Variants in CTNND2 observed in about 807,000 individuals in gnomAD.
CTNND2 encodes the protein catenin delta-2.
Under a neutral mutation model 144.4 loss-of-function variants are expected in CTNND2, and 22 were observed. The observed-to-expected ratio is 0.15, with a 90% confidence interval of 0.11 to 0.22. The LOEUF is 0.22. CTNND2 is among the 10% of genes least tolerant of loss of function. CTNND2 has a pLI of 1.00. For synonymous variants in CTNND2, 751 were observed against 695.6 expected (o/e 1.08, Z -1.25); for missense variants, 1,353 against 1,618.8 (o/e 0.84, Z 2.82).
intron 1 of CTNND2, among the ~76,000 whole-genome samples, chr5:11,874,522 C>A (rs1735407746): frequency 6.6e-6 from 1 of 152,154 alleles, no homozygotes; most frequent in Admixed American, 6.5e-5. Flanking sequence ...GATGTGAACA[C>A]AAGCACTGCC....
chr5:11,822,398 T>A (rs1287757275), intron 1 of CTNND2, among the ~76,000 whole-genome samples: 1 of 152,180 alleles, frequency 6.6e-6, no homozygotes, highest in Non-Finnish European at 1.5e-5. Flanking sequence ...TTCAAAGCAA[T>A]TTTAAGATAA....
chr5:11,834,096 T>G (rs1431189561), intron 1 of CTNND2, among the ~76,000 whole-genome samples: 1 of 152,076 alleles, frequency 6.6e-6, no homozygotes, highest in African/African-American at 2.4e-5. Context: ...AAGGAGTAGA[T>G]TGTAGTAAAG....
At chr5:11,874,636 T>C (rs1735416793) in intron 1 of CTNND2, among the ~76,000 whole-genome samples, 1 of 152,108 alleles carries the variant, frequency 6.6e-6, no homozygotes, top group African/African-American at 2.4e-5. Flanking sequence ...GTAATTTACA[T>C]CCTAGGTGGG....
chr5:11,367,874 G>A (rs1757124906), intron 7 of CTNND2, among the ~76,000 whole-genome samples: 1 of 152,176 alleles, frequency 6.6e-6, no homozygotes, highest in African/African-American at 2.4e-5. Context: ...CAGACATAAT[G>A]TCATGCAATC....
intron 3 of CTNND2, among the ~76,000 whole-genome samples, chr5:11,451,815 T>A (rs1162143037): frequency 6.6e-6 from 1 of 152,212 alleles, no homozygotes; most frequent in Non-Finnish European, 1.5e-5. Context: ...GACTAAGACA[T>A]TCATACTGAA....
At chr5:11,104,667 G>A (rs957102253) in intron 14 of CTNND2, among the ~76,000 whole-genome samples, 2 of 152,238 alleles carry the variant, frequency 1.3e-5, no homozygotes, top group Middle Eastern at 3.4e-3. Context: ...CAAAGAAAAC[G>A]GTAGTGCGGG....
At position 11,411,781 on chromosome 5, in the gene CTNND2, T is replaced by C. The variant is rs1761560006; in HGVS notation, c.323-129A>G. 9.6e-6 allele frequency: 7 copies of C among 726,844 alleles called. No homozygotes were observed. The South Asian group carries it at 1.2e-4, about 12-fold the overall frequency. The allele number at this position is 726,844 out of a possible 1,614,324, so 45.0% of individuals were successfully genotyped here. On this transcript the variant is annotated intron_variant, in intron 4 of 21. Coordinates refer to ENST00000304623, the MANE Select transcript of CTNND2 (RefSeq NM_001332.4). Reference sequence around the variant, plus strand: ...CCTCTATGAAGTTTTCATTAGCTATTCCATTTTAATTTTTGGTCAACCAAC... The same window carrying C: ...CCTCTATGAAGTTTTCATTAGCTATCCCATTTTAATTTTTGGTCAACCAAC...
At chr5:11,336,284 GA>G (rs772074636) in intron 9 of CTNND2, among the ~76,000 whole-genome samples, 1 of 152,190 alleles carries the variant, frequency 6.6e-6, no homozygotes, top group Non-Finnish European at 1.5e-5. Flanking sequence ...CTGGTTAACA[GA>G]ACTGGCCAAG....
intron 6 of CTNND2, among the ~76,000 whole-genome samples, chr5:11,389,705 A>C (rs1759455540): frequency 6.6e-6 from 1 of 152,238 alleles, no homozygotes; most frequent in Admixed American, 6.5e-5. Flanking sequence ...CTGACTCAAT[A>C]AACCATTAAG....
intron 9 of CTNND2, among the ~76,000 whole-genome samples, chr5:11,309,962 T>C (rs1246699203): frequency 6.6e-6 from 1 of 152,058 alleles, no homozygotes; most frequent in Non-Finnish European, 1.5e-5. Flanking sequence ...CTGCCATTAT[T>C]GTAAGTTTCC....
At chr5:11,443,118 G>C (rs1410291731) in intron 3 of CTNND2, among the ~76,000 whole-genome samples, 2 of 151,120 alleles carry the variant, frequency 1.3e-5, no homozygotes, top group African/African-American at 4.9e-5. Flanking sequence ...ATACAACACA[G>C]GTCACTTTTG....
At chr5:11,842,301 G>C (rs1031955948) in intron 1 of CTNND2, among the ~76,000 whole-genome samples, 6 of 152,148 alleles carry the variant, frequency 3.9e-5, no homozygotes, top group African/African-American at 1.4e-4. Flanking sequence ...AGCTCTGCTT[G>C]ATGGGCTGAA....
At chr5:10,979,516 G>A (rs1336337496) in intron 21 of CTNND2, among the ~76,000 whole-genome samples, 1 of 152,206 alleles carries the variant, frequency 6.6e-6, no homozygotes, top group Non-Finnish European at 1.5e-5. Flanking sequence ...GGAGTGGGCT[G>A]ATGCCCACCA....
At chr5:11,558,799 C>T (rs1400799906) in intron 3 of CTNND2, among the ~76,000 whole-genome samples, 2 of 152,136 alleles carry the variant, frequency 1.3e-5, no homozygotes, top group African/African-American at 2.4e-5. Context: ...CAGCTATGCA[C>T]TTACTGTCTA....
chr5:11,480,519 T>A (rs1768142226), intron 3 of CTNND2, among the ~76,000 whole-genome samples: 1 of 152,162 alleles, frequency 6.6e-6, no homozygotes, highest in Admixed American at 6.6e-5. Context: ...CCCTTCAAAC[T>A]CCCAGTGTAT....
intron 9 of CTNND2, among the ~76,000 whole-genome samples, chr5:11,313,634 C>T (rs1214290250): frequency 6.6e-6 from 1 of 152,170 alleles, no homozygotes; most frequent in Non-Finnish European, 1.5e-5. Context: ...TGCACTTCCT[C>T]CGTGGAGAAT....
chr5:11,363,794 G>T (rs1238338111), intron 8 of CTNND2, among the ~76,000 whole-genome samples: 2 of 152,200 alleles, frequency 1.3e-5, no homozygotes, highest in Non-Finnish European at 2.9e-5. Flanking sequence ...AGTAGTCTGA[G>T]GATGTAGAGA....
chr5:11,480,644 A>ATGTGTGTGTGTGTGTGTGTGTG (rs112150074), intron 3 of CTNND2, among the ~76,000 whole-genome samples: 4 of 138,024 alleles, frequency 2.9e-5, no homozygotes, highest in African/African-American at 1.1e-4. Context: ...GAAAATACAT[A>ATGTGTGTGTGTGTGTGTGTGTG]TATGTGTGTG....
chr5:11,443,864 G>A (rs1315052085), intron 3 of CTNND2, among the ~76,000 whole-genome samples: 1 of 138,616 alleles, frequency 7.2e-6, no homozygotes, highest in Non-Finnish European at 1.5e-5. Context: ...CAAACTTATT[G>A]GGTGGCATAA....
Sources: gnomAD v4.1 joint callset for allele counts (sites outside exome capture counted in the v4.1 genomes callset) on GRCh38, gnomAD v4.1.1 for gene constraint, MANE v1.5 for transcripts, NCBI Gene and HGNC (gene_info 2026-07-23, HGNC 2026-07-21) for gene names.